Variants in NAALADL2 observed in about 807,000 individuals in gnomAD.
The protein encoded by NAALADL2 is N-acetylated alpha-linked acidic dipeptidase like 2.
Under a neutral mutation model 87.2 loss-of-function variants are expected in NAALADL2, and 76 were observed. The observed-to-expected ratio is 0.87, with a 90% confidence interval of 0.72 to 1.05. The LOEUF (loss-of-function observed/expected upper bound fraction) is 1.05, where lower values mean the gene tolerates loss of function less well. NAALADL2 is among the 50% of genes least tolerant of loss of function. The pLI is 0.00. For synonymous variants in NAALADL2, 354 were observed against 331.0 expected, an observed-to-expected ratio of 1.07 and a Z score of -0.75; for missense variants, 1,089 against 945.8, an observed-to-expected ratio of 1.15 and a Z score of -1.99.
chr3:175,279,069 G>A (rs930622273), intron 4 of NAALADL2, among the ~76,000 whole-genome samples: 2 of 152,106 alleles, frequency 1.3e-5, no homozygotes, highest in Non-Finnish European at 2.9e-5. Flanking sequence ...TTATTTTCAA[G>A]CATGTGCAAA....
chr3:174,698,947 ATGTGTG>A (rs375672663), intron 2 of NAALADL2, among the ~76,000 whole-genome samples: 1 of 141,798 alleles, frequency 7.1e-6, no homozygotes, highest in African/African-American at 2.8e-5. Flanking sequence ...ATATATATGA[ATGTGTG>A]TGTGTGTGTG....
At chr3:174,721,216 A>G (rs981392964) in intron 2 of NAALADL2, among the ~76,000 whole-genome samples, 3 of 152,214 alleles carry the variant, frequency 2.0e-5, no homozygotes, top group African/African-American at 7.2e-5. Context: ...TGTATTTAAT[A>G]TTAAGAGCTG....
intron 1 of NAALADL2, among the ~76,000 whole-genome samples, chr3:174,507,562 T>G (rs769994433): frequency 5.3e-5 from 8 of 151,978 alleles, no homozygotes; most frequent in Non-Finnish European, 1.0e-4. Context: ...TACATCTCTG[T>G]GCAGTCAGTC....
chr3:174,522,751 G>A (rs1431149319), intron 1 of NAALADL2, among the ~76,000 whole-genome samples: 2 of 151,678 alleles, frequency 1.3e-5, no homozygotes, highest in South Asian at 2.1e-4. Context: ...TGGCTAACAC[G>A]GTGAAACCCC....
At chr3:174,619,016 T>TA (rs1432661814) in intron 2 of NAALADL2, among the ~76,000 whole-genome samples, 1 of 151,888 alleles carries the variant, frequency 6.6e-6, no homozygotes, top group African/African-American at 2.4e-5. Context: ...TCTAATTCTT[T>TA]AAAAAATTAA....
At chr3:174,523,070 A>G (rs1204621433) in intron 1 of NAALADL2, among the ~76,000 whole-genome samples, 2 of 152,148 alleles carry the variant, frequency 1.3e-5, no homozygotes, top group Admixed American at 6.5e-5. Flanking sequence ...CCCTCACCAG[A>G]TACCAGGTCT....
chr3:174,443,964 G>A (rs1420440068), intron 1 of NAALADL2, among the ~76,000 whole-genome samples: 1 of 145,318 alleles, frequency 6.9e-6, no homozygotes, highest in Non-Finnish European at 1.6e-5. Flanking sequence ...TGACAGAGTA[G>A]AAAGACATTG....
intron 2 of NAALADL2, among the ~76,000 whole-genome samples, chr3:175,194,793 A>T (rs974185025): frequency 6.6e-6 from 1 of 151,672 alleles, no homozygotes; most frequent in African/African-American, 2.4e-5. Flanking sequence ...ATTTTTTTCT[A>T]TTTAAGGAAC....
intron 1 of NAALADL2, among the ~76,000 whole-genome samples, chr3:174,504,298 CA>C (rs774520346): frequency 6.6e-6 from 1 of 152,036 alleles, no homozygotes; most frequent in South Asian, 2.1e-4. Context: ...TACCCCAATG[CA>C]AATGTTTGTG....
intron 11 of NAALADL2, among the ~76,000 whole-genome samples, chr3:175,727,287 G>T (rs1236883187): frequency 6.6e-6 from 1 of 152,110 alleles, no homozygotes; most frequent in Non-Finnish European, 1.5e-5. Flanking sequence ...TGAGAGAAAA[G>T]AACTCTTTCC....
intron 1 of NAALADL2, among the ~76,000 whole-genome samples, chr3:174,504,441 A>G (rs1285093730): frequency 4.6e-5 from 7 of 152,084 alleles, no homozygotes; most frequent in African/African-American, 1.7e-4. Context: ...ATGCAATTAG[A>G]TGCTATTGGT....
intron 3 of NAALADL2, among the ~76,000 whole-genome samples, chr3:175,247,418 T>C (rs868079598): frequency 2.6e-5 from 4 of 152,052 alleles, no homozygotes; most frequent in Admixed American, 1.3e-4. Flanking sequence ...GTTGTAGTAT[T>C]GAATGGGGTA....
At position 174,760,737 on chromosome 3, in the gene NAALADL2, G is replaced by T. The variant is rs555935081; in HGVS notation, c.-9+22991G>T. Among the ~76,000 whole-genome samples, 8 of 152,320 alleles carry T rather than the reference G, an allele frequency of 5.3e-5. No homozygotes were observed. In the South Asian group the frequency reaches 1.7e-3, roughly 32 times the overall value. On this transcript the variant is annotated intron_variant, in intron 3 of 3. Transcript: ENST00000434257. The stretch of plus-strand genomic sequence containing the variant: ...TTCTAATGTGTTTGGCTGTGACTCG[G>T]AGTTGGTAATGTAATGAACATTAGC...
intron 3 of NAALADL2, among the ~76,000 whole-genome samples, chr3:174,809,957 C>T (rs889056426): frequency 1.3e-5 from 2 of 152,028 alleles, no homozygotes; most frequent in East Asian, 3.9e-4. Flanking sequence ...GGCACCTCCC[C>T]CCTCTCTTGG....
At chr3:174,673,323 G>C (rs1488479404) in intron 2 of NAALADL2, among the ~76,000 whole-genome samples, 1 of 151,860 alleles carries the variant, frequency 6.6e-6, no homozygotes, top group Non-Finnish European at 1.5e-5. Context: ...GAATAAATAG[G>C]AACTTGGAAG....
intron 1 of NAALADL2, among the ~76,000 whole-genome samples, chr3:175,060,689 G>C (rs1218062558): frequency 6.6e-6 from 1 of 152,190 alleles, no homozygotes; most frequent in African/African-American, 2.4e-5. Flanking sequence ...GTTAGCTACA[G>C]GGTATACATA....
intron 1 of NAALADL2, among the ~76,000 whole-genome samples, chr3:174,942,211 T>TAA (rs1738713664): frequency 6.6e-6 from 1 of 152,198 alleles, no homozygotes; most frequent in African/African-American, 2.4e-5. Context: ...AAGGATCTTT[T>TAA]ATAAGGCAGG....
chr3:174,987,820 A>ATATATT (rs1746168526), intron 1 of NAALADL2, among the ~76,000 whole-genome samples: 1 of 140,236 alleles, frequency 7.1e-6, no homozygotes, highest in African/African-American at 2.8e-5. Context: ...AATTATATAT[A>ATATATT]TATATATAAT....
intron 11 of NAALADL2, among the ~76,000 whole-genome samples, chr3:175,680,261 T>C (rs1560966150): frequency 6.6e-6 from 1 of 152,230 alleles, no homozygotes; most frequent in Admixed American, 6.5e-5. Context: ...AAATGTCTAA[T>C]GTTTCAGTGA....
Sources: gnomAD v4.1 joint callset for allele counts (sites outside exome capture counted in the v4.1 genomes callset) on GRCh38, gnomAD v4.1.1 for gene constraint, MANE v1.5 for transcripts, NCBI Gene and HGNC (gene_info 2026-07-23, HGNC 2026-07-21) for gene names.